The following IL1RAPL1 variants were observed in gnomAD, a reference collection of about 807,000 sequenced individuals.
IL1RAPL1 encodes the protein interleukin 1 receptor accessory protein like 1, also known as interleukin-1 receptor accessory protein-like 1.
Under a neutral mutation model 48.4 loss-of-function variants are expected in IL1RAPL1, and 3 were observed. The observed-to-expected ratio is 0.06, with a 90% CI of 0.03 to 0.16. The LOEUF (loss-of-function observed/expected upper bound fraction) is 0.16. IL1RAPL1 is among the 10% of genes least tolerant of loss of function. The pLI is 1.00. For missense variants in IL1RAPL1, 349 were observed against 530.6 expected (o/e 0.66, Z 3.36); for synonymous variants, 185 against 187.7 (o/e 0.99, Z 0.12).
intron 5 of IL1RAPL1, among the ~76,000 whole-genome samples, chrX:29,653,547 A>T (rs1302152607): frequency 9.0e-6 from 1 of 111,582 alleles, no homozygotes; most frequent in African/African-American, 3.2e-5. Context: ...AGCAAGTATT[A>T]TTTAAAGGGT....
chrX:29,825,563 C>T (rs796497924), intron 6 of IL1RAPL1, among the ~76,000 whole-genome samples: 3 of 111,460 alleles, frequency 2.7e-5, no homozygotes, highest in Non-Finnish European at 5.6e-5. Flanking sequence ...ACAGCGGATG[C>T]TCTGGTGAAA....
intron 6 of IL1RAPL1, among the ~76,000 whole-genome samples, chrX:29,729,829 C>CCTAGATCTGGT (rs1363700042): frequency 9.0e-6 from 1 of 111,691 alleles, no homozygotes; most frequent in Non-Finnish European, 1.9e-5. Context: ...TCACCTATGA[C>CCTAGATCTGGT]CTGTCTCTAG....
intron 2 of IL1RAPL1, among the ~76,000 whole-genome samples, chrX:28,987,819 C>G (rs1313169156): frequency 8.9e-6 from 1 of 111,923 alleles, no homozygotes; most frequent in Non-Finnish European, 1.9e-5. Flanking sequence ...GCTGAATGCC[C>G]TCTGTGTGTG....
intron 6 of IL1RAPL1, among the ~76,000 whole-genome samples, chrX:29,791,923 G>A (rs144100255): frequency 0.028 from 3,062 of 108,060 alleles, 96 homozygotes; most frequent in African/African-American, 0.098. Context: ...GTAGAGATGG[G>A]GTTTCACCAT....
chrX:29,889,344 A>G (rs758311380), intron 6 of IL1RAPL1, among the ~76,000 whole-genome samples: 1 of 111,858 alleles, frequency 8.9e-6, no homozygotes, highest in South Asian at 3.7e-4. Flanking sequence ...TATCTTGCAT[A>G]TTTCCACCAG....
chrX:29,306,738 A>G (rs1350858964), intron 3 of IL1RAPL1, among the ~76,000 whole-genome samples: 1 of 96,000 alleles, frequency 1.0e-5, no homozygotes, highest in Non-Finnish European at 2.1e-5. Flanking sequence ...GTGCACGCCT[A>G]TAGTCCCAGC....
In IL1RAPL1 at chrX:29,556,627, A is replaced by C. The variant is rs1298318143; in HGVS notation, c.704-111803A>C. Among the ~76,000 whole-genome samples the C allele has an allele frequency of 2.8e-5, 3 of 105,511 alleles. No individual in the cohort carries two copies. The East Asian group carries it at 8.9e-4, about 31-fold the overall frequency. 91.6% of individuals were successfully genotyped at this position (105,511 alleles called of 115,157 possible). The stretch of plus-strand genomic sequence containing the variant: ...CGTGCCACTGCACTCCAGCCTGGGC[A>C]ACAAAGCAAGACTCTGCCTCAAAAA... On this transcript the variant is annotated intron_variant, in intron 5 of 10. Coordinates refer to ENST00000378993, the MANE Select transcript of IL1RAPL1 (RefSeq NM_014271.4).
intron 2 of IL1RAPL1, among the ~76,000 whole-genome samples, chrX:29,220,935 G>A (rs1173833561): frequency 9.0e-6 from 1 of 111,186 alleles, no homozygotes; most frequent in Non-Finnish European, 1.9e-5. Flanking sequence ...TTTTTAAGAT[G>A]TAGTCTCACT....
intron 5 of IL1RAPL1, among the ~76,000 whole-genome samples, chrX:29,558,859 C>T (rs1922092552): frequency 9.0e-6 from 1 of 111,453 alleles, no homozygotes; most frequent in Non-Finnish European, 1.9e-5. Context: ...GGATTTATTG[C>T]TGAGATCTTT....
At chrX:28,656,984 G>A (rs1302154685) in intron 1 of IL1RAPL1, among the ~76,000 whole-genome samples, 3 of 99,567 alleles carry the variant, frequency 3.0e-5, no homozygotes, top group East Asian at 6.3e-4. Flanking sequence ...CTGAGATCGC[G>A]CCATTGCATT....
At chrX:29,840,170 T>C (rs1170606774) in intron 6 of IL1RAPL1, among the ~76,000 whole-genome samples, 4 of 111,475 alleles carry the variant, frequency 3.6e-5, no homozygotes, top group Non-Finnish European at 7.5e-5. Context: ...TACAATCAAA[T>C]AATCAGAAAA....
chrX:28,684,982 C>T (rs916529869), intron 1 of IL1RAPL1, among the ~76,000 whole-genome samples: 1 of 111,472 alleles, frequency 9.0e-6, no homozygotes, highest in African/African-American at 3.3e-5. Flanking sequence ...ACAAAACAAA[C>T]CAAAATAAAA....
chrX:29,688,366 T>G (rs1216160757), intron 6 of IL1RAPL1, among the ~76,000 whole-genome samples: 1 of 111,372 alleles, frequency 9.0e-6, no homozygotes, highest in Non-Finnish European at 1.9e-5. Flanking sequence ...CCTCCTCATC[T>G]TCTCTGTTTT....
At chrX:29,065,076 G>C (rs978963809) in intron 2 of IL1RAPL1, among the ~76,000 whole-genome samples, 1 of 110,771 alleles carries the variant, frequency 9.0e-6, no homozygotes, top group African/African-American at 3.3e-5. Context: ...ATAAGTTATA[G>C]GTCCCAAAAT....
At chrX:28,827,315 A>G (rs1937004484) in intron 2 of IL1RAPL1, among the ~76,000 whole-genome samples, 1 of 111,208 alleles carries the variant, frequency 9.0e-6, no homozygotes, top group Admixed American at 9.6e-5. Context: ...TGTCAGAGCT[A>G]TGTATAGGAA....
chrX:29,005,345 A>T (rs1001885972), intron 2 of IL1RAPL1, among the ~76,000 whole-genome samples: 1 of 112,426 alleles, frequency 8.9e-6, no homozygotes, highest in Non-Finnish European at 1.9e-5. Context: ...GGGTCATTTT[A>T]TATATACAGC....
At chrX:29,784,687 A>G (rs1186443533) in intron 6 of IL1RAPL1, among the ~76,000 whole-genome samples, 1 of 110,902 alleles carries the variant, frequency 9.0e-6, no homozygotes, top group African/African-American at 3.3e-5. Context: ...TATCTTAAAA[A>G]AAAAAAACAT....
At chrX:29,769,405 A>G (rs1272791812) in intron 6 of IL1RAPL1, among the ~76,000 whole-genome samples, 1 of 33,910 alleles carries the variant, frequency 2.9e-5, no homozygotes, top group Non-Finnish European at 5.7e-5. Flanking sequence ...GATGAGTCAT[A>G]TTTTTGAGGG....
At chrX:28,950,947 A>C (rs1924443732) in intron 2 of IL1RAPL1, among the ~76,000 whole-genome samples, 1 of 105,592 alleles carries the variant, frequency 9.5e-6, no homozygotes, top group African/African-American at 3.5e-5. Flanking sequence ...CAGCCATAAA[A>C]AATGATGAGT....
Sources: allele counts gnomAD v4.1 joint callset (sites outside exome capture counted in the v4.1 genomes callset), GRCh38; gene constraint gnomAD v4.1.1; transcripts MANE v1.5; gene names NCBI Gene and HGNC (gene_info 2026-07-23, HGNC 2026-07-21).